ZNF704: variants seen among roughly 807,000 people sequenced by gnomAD.
The protein encoded by ZNF704 is glucocorticoid induced gene 1.
In ZNF704, 10 loss-of-function variants were observed where a neutral mutation model predicts 44.7. That is an observed-to-expected ratio of 0.22 (90% CI 0.14 to 0.38). The LOEUF (loss-of-function observed/expected upper bound fraction) is 0.38. ZNF704 is among the 10% of genes least tolerant of loss of function. The probability of loss-of-function intolerance (pLI) is 1.00; values close to 1 mark genes in which losing one functional copy is unlikely to be tolerated. For missense variants in ZNF704, 390 were observed against 545.5 expected (o/e 0.71, Z 2.84); for synonymous variants, 211 against 207.6 (o/e 1.02, Z -0.14).
At chr8:80,745,857 T>G (rs1370310039) in intron 2 of ZNF704, among the ~76,000 whole-genome samples, 4 of 152,152 alleles carry the variant, frequency 2.6e-5, no homozygotes, top group Non-Finnish European at 5.9e-5. Context: ...AAAGACAGTG[T>G]GTACAAAACA....
chr8:80,808,600 T>C (rs1440501460), intron 2 of ZNF704, among the ~76,000 whole-genome samples: 1 of 152,228 alleles, frequency 6.6e-6, no homozygotes, highest in African/African-American at 2.4e-5. Context: ...ATGCATTCTA[T>C]TATGGTTAAG....
At chr8:80,672,905 T>A (rs1168281252) in intron 4 of ZNF704, among the ~76,000 whole-genome samples, 1 of 151,840 alleles carries the variant, frequency 6.6e-6, no homozygotes, top group Non-Finnish European at 1.5e-5. Context: ...GTACCCTGAA[T>A]CTAAAATAAA....
chr8:80,791,612 T>C (rs779050322), intron 2 of ZNF704, among the ~76,000 whole-genome samples: 1 of 152,086 alleles, frequency 6.6e-6, no homozygotes. Context: ...CAAAAGTGAC[T>C]CCTACCTATA....
chr8:80,854,962 A>G (rs1170401211), intron 1 of ZNF704, among the ~76,000 whole-genome samples: 1 of 152,216 alleles, frequency 6.6e-6, no homozygotes, highest in African/African-American at 2.4e-5. Flanking sequence ...TGAAATAAGC[A>G]CATCATGTAG....
chr8:80,875,798 T>C (rs1202574557), upstream of ZNF704, among the ~76,000 whole-genome samples: 3 of 152,232 alleles, frequency 2.0e-5, no homozygotes, highest in African/African-American at 7.2e-5. Flanking sequence ...TGGGGCTCAT[T>C]AAATGCTCAC....
At chr8:80,653,804 T>TA (rs1163457343) in intron 7 of ZNF704, among the ~76,000 whole-genome samples, 12 of 152,226 alleles carry the variant, frequency 7.9e-5, no homozygotes, top group African/African-American at 2.9e-4. Context: ...CCCATCAAGC[T>TA]ACCAATGACT....
intron 7 of ZNF704, among the ~76,000 whole-genome samples, chr8:80,655,208 A>T (rs916620875): frequency 6.6e-6 from 1 of 151,960 alleles, no homozygotes; most frequent in African/African-American, 2.4e-5. Flanking sequence ...CGGGGGAGGG[A>T]TAGCATTAGG....
chr8:80,763,945 T>G (rs144343643), intron 2 of ZNF704, among the ~76,000 whole-genome samples: 2 of 152,316 alleles, frequency 1.3e-5, no homozygotes, highest in East Asian at 3.9e-4. Context: ...TTTGCTCCAG[T>G]TCCCAGTAAG....
intron 2 of ZNF704, among the ~76,000 whole-genome samples, chr8:80,793,207 GA>G (rs1191983220): frequency 1.3e-5 from 2 of 152,170 alleles, no homozygotes; most frequent in African/African-American, 4.8e-5. Flanking sequence ...GATCAAAGAT[GA>G]TGTCCAGCTT....
At chr8:80,724,205 C>A (rs1386420544) in intron 2 of ZNF704, among the ~76,000 whole-genome samples, 1 of 152,158 alleles carries the variant, frequency 6.6e-6, no homozygotes, top group East Asian at 1.9e-4. Context: ...TAGTCTTTAA[C>A]AAATTCTGAT....
At chr8:80,642,419 C>T (rs945293697) in intron 8 of ZNF704, among the ~76,000 whole-genome samples, 1 of 152,148 alleles carries the variant, frequency 6.6e-6, no homozygotes, top group African/African-American at 2.4e-5. Context: ...AAGTACAGTT[C>T]GTTACAGTCA....
At chr8:80,679,336 C>T (rs1337718321) in intron 4 of ZNF704, among the ~76,000 whole-genome samples, 8 of 150,440 alleles carry the variant, frequency 5.3e-5, no homozygotes. Context: ...TACAAACAGA[C>T]TAGTTGCTGT....
chr8:80,789,463 T>C (rs1402452519), intron 2 of ZNF704, among the ~76,000 whole-genome samples: 3 of 152,160 alleles, frequency 2.0e-5, no homozygotes, highest in African/African-American at 2.4e-5. Context: ...TAACTAAAAA[T>C]AGGCTGGGTG....
rs539791870 is a variant in ZNF704, at chr8:80,681,469, G to A, written c.558+5757C>T. ...CTATAGTGATGAAAGTTATACCAGT[G>A]GTTGGTTGCCTGTCTGGGGCTTGGT... is the stretch of plus-strand genomic sequence containing the variant. On this transcript the variant is annotated intron_variant, in intron 4 of 8. Coordinates refer to ENST00000327835, the MANE Select transcript of ZNF704 (RefSeq NM_001033723.3). 2.4e-4 allele frequency among the ~76,000 whole-genome samples: 36 copies of A among 152,244 alleles called. No homozygotes were observed. The South Asian group carries it at 7.5e-3, about 32-fold the overall frequency.
At chr8:80,784,393 C>CA (rs1426640464) in intron 2 of ZNF704, among the ~76,000 whole-genome samples, 1 of 152,172 alleles carries the variant, frequency 6.6e-6, no homozygotes, top group Non-Finnish European at 1.5e-5. Flanking sequence ...AGCAACTACT[C>CA]AGAGTTTCTG....
intron 2 of ZNF704, among the ~76,000 whole-genome samples, chr8:80,802,818 G>A (rs1017761310): frequency 2.0e-5 from 3 of 152,012 alleles, no homozygotes; most frequent in African/African-American, 2.4e-5. Context: ...TGTTCAACAC[G>A]GTATTGGAAG....
At chr8:80,653,301 G>A (rs1023962438) in intron 7 of ZNF704, among the ~76,000 whole-genome samples, 67 of 152,248 alleles carry the variant, frequency 4.4e-4, no homozygotes, top group Non-Finnish European at 7.6e-4. Flanking sequence ...TCAACATAGT[G>A]TTGGAAGTTC....
intron 2 of ZNF704, among the ~76,000 whole-genome samples, chr8:80,774,073 G>C (rs1055355804): frequency 6.7e-5 from 10 of 150,182 alleles, no homozygotes; most frequent in Admixed American, 2.0e-4. Context: ...TTGGATACAG[G>C]GTCTCACTCT....
intron 7 of ZNF704, among the ~76,000 whole-genome samples, chr8:80,643,552 A>G (rs1282190870): frequency 6.7e-6 from 1 of 148,644 alleles, no homozygotes; most frequent in Non-Finnish European, 1.5e-5. Context: ...AAAGAAGCAG[A>G]GATGAAATGA....
Sources: allele counts gnomAD v4.1 joint callset (sites outside exome capture counted in the v4.1 genomes callset), GRCh38; gene constraint gnomAD v4.1.1; transcripts MANE v1.5; gene names NCBI Gene and HGNC (gene_info 2026-07-23, HGNC 2026-07-21).